JAM2: variants seen among roughly 807,000 people sequenced by gnomAD.
The protein encoded by JAM2 is junctional adhesion molecule B.
In JAM2, 17 loss-of-function variants were observed where a neutral mutation model predicts 42.0. That is an observed-to-expected ratio of 0.40 (90% CI 0.28 to 0.61). JAM2 has a LOEUF of 0.61. Ranked by LOEUF, JAM2 falls within the 20% of genes least tolerant of loss-of-function variation. The pLI, the probability that JAM2 is intolerant of heterozygous loss-of-function variation, is 0.37. For synonymous variants in JAM2, 118 were observed against 128.6 expected (o/e 0.92, Z 0.56); for missense variants, 319 against 358.3 (o/e 0.89, Z 0.89).
chr21:25,698,655 T>A lies in JAM2; in HGVS notation c.395-22T>A, dbSNP rs559900340. On this transcript the variant is annotated intron_variant, in intron 4 of 9. Coordinates refer to ENST00000480456, the MANE Select transcript of JAM2 (RefSeq NM_021219.4). Reference sequence around the variant, plus strand: ...TTGATTAGCTTATAAATAATCAATATCATTTGACTTCCATTGTTCAGTGGC... The same window carrying A: ...TTGATTAGCTTATAAATAATCAATAACATTTGACTTCCATTGTTCAGTGGC... 9 of 1,594,704 alleles carry A rather than the reference T, an allele frequency of 5.6e-6. No individual in the cohort carries two copies. The East Asian group carries it at 1.8e-4, about 32-fold the overall frequency.
intron 7 of JAM2, among the ~76,000 whole-genome samples, chr21:25,709,065 T>C (rs1277441203): frequency 6.6e-6 from 1 of 152,086 alleles, no homozygotes; most frequent in Non-Finnish European, 1.5e-5. Context: ...GAACCCCAAT[T>C]AAGAGAAATG....
chr21:25,693,897 T>C lies in JAM2; in HGVS notation c.383T>C (p.Leu128Pro). Residue 128 changes from leucine to proline, a missense_variant, in exon 4 of 10, where the codon CTG becomes CCG. Transcript: ENST00000480456. The stretch of plus-strand genomic sequence containing the variant: ...AACCTGGAAGAGGATACAGTCACTC[T>C]GGAAGTATTAGGTGATGTGCATGTA... The part of the protein sequence containing the change: ...GQNLEEDTVT[L>P]EVLVAPAVPS... The C allele has an allele frequency of 6.2e-7, 1 of 1,614,176 alleles. No individual in the cohort carries two copies.
At chr21:25,705,398 T>C (rs1406630436) in intron 6 of JAM2, among the ~76,000 whole-genome samples, 1 of 151,810 alleles carries the variant, frequency 6.6e-6, no homozygotes, top group Non-Finnish European at 1.5e-5. Flanking sequence ...ACCCGGATAA[T>C]TTTTTTAATT....
At position 25,689,958 on chromosome 21, in the gene JAM2, C is replaced by A. The variant is rs368465814; in HGVS notation, c.226C>A (p.Gln76Lys). ...LGRSVSFVYY[Q>K]QTLQGDFKNR... is the part of the protein sequence containing the mutation. The stretch of plus-strand genomic sequence containing the variant: ...TCGGAGTGTCTCCTTTGTCTACTAT[C>A]AACAGACTCTTCAAGGTAAGCAGCT... The change falls in exon 3 of 10, where the codon CAA becomes AAA. Residue 76 changes from glutamine (Q) to lysine (K), a missense_variant. Physicochemically the swap from Gln to Lys is moderately conservative, Grantham distance 53. Transcript: ENST00000480456. The A allele has an allele frequency of 6.9e-6, 11 of 1,604,904 alleles. No individual in the cohort carries two copies. Among genetic ancestry groups the A allele is most frequent in the Non-Finnish European group, 8.5e-6 (10 of 1,171,916 alleles).
rs1253272804 is a variant in JAM2 at position 25,693,772 on chromosome 21, A to G, written c.258A>G (p.Arg86=). ...QQTLQGDFKN[R]AEMIDFNIRI... ...TTCTAAAAGGTGATTTTAAAAATCG[A>G]GCTGAGATGATAGATTTCAATATCC... is the stretch of plus-strand genomic sequence containing the variant. The change falls in exon 4 of 10, where the codon CGA becomes CGG. Residue 86 remains arginine, a synonymous_variant. Transcript: ENST00000480456. The G allele has an allele frequency of 1.9e-6, 3 of 1,613,736 alleles. No homozygotes were observed. Among genetic ancestry groups the G allele is most frequent in the Non-Finnish European group, 2.5e-6 (3 of 1,179,738 alleles).
intron 1 of JAM2, among the ~76,000 whole-genome samples, chr21:25,665,692 T>C (rs964050622): frequency 2.0e-5 from 3 of 152,140 alleles, no homozygotes; most frequent in African/African-American, 7.2e-5. Flanking sequence ...AGGCCTTCAA[T>C]TGACCGGATG....
intron 1 of JAM2, among the ~76,000 whole-genome samples, chr21:25,652,123 C>T (rs769187518): frequency 2.6e-5 from 4 of 152,136 alleles, no homozygotes; most frequent in Non-Finnish European, 4.4e-5. Context: ...TGGTGGTTTA[C>T]ACTTGTAATC....
chr21:25,649,971 C>T (rs2032727243), intron 1 of JAM2, among the ~76,000 whole-genome samples: 1 of 152,126 alleles, frequency 6.6e-6, no homozygotes, highest in South Asian at 2.1e-4. Flanking sequence ...CAAGTGATGG[C>T]CTCATTTTTT....
intron 1 of JAM2, among the ~76,000 whole-genome samples, chr21:25,671,660 C>G (rs9981246): frequency 0.67 from 101,470 of 151,900 alleles, 36,396 homozygotes; most frequent in Non-Finnish European, 0.8. Context: ...CGTGCACCAC[C>G]ACACCTGGCT....
chr21:25,708,727 CATCTTT>C (rs1258477694), intron 7 of JAM2, among the ~76,000 whole-genome samples: 1 of 152,100 alleles, frequency 6.6e-6, no homozygotes, highest in Non-Finnish European at 1.5e-5. Context: ...AAACTCTTGT[CATCTTT>C]ATCTATAGCC....
chr21:25,685,281 GCTCATGCCTGTAATCTCAAA>G (rs1568906582), intron 2 of JAM2, among the ~76,000 whole-genome samples: 2 of 151,878 alleles, frequency 1.3e-5, no homozygotes, highest in African/African-American at 4.8e-5. Flanking sequence ...GGGAGTGGTG[GCTCATGCCTGTAATCTCAAA>G]CTCCTGAGGC....
At position 25,683,952 on chromosome 21, in the gene JAM2, C is replaced by T. The variant is rs759733216; in HGVS notation, c.133+4C>T. 8.9e-6 allele frequency: 14 copies of T among 1,575,526 alleles called. No homozygotes were observed. Among genetic ancestry groups the T allele is most frequent in the South Asian group, 1.1e-5 (1 of 88,468 alleles). On this transcript the variant is annotated splice_donor_region_variant and intron_variant, in intron 2 of 9. Transcript: ENST00000480456. ...GTCACAGCAGTAGAGTACCAAGGTACAGTATCTTACTGATTTTCACAGGCT... is the reference window on the plus strand; with the variant it reads ...GTCACAGCAGTAGAGTACCAAGGTATAGTATCTTACTGATTTTCACAGGCT...
intron 9 of JAM2, 186 bp from the exon 10 acceptor site, chr21:25,714,454 C>T (rs1360925160): frequency 2.8e-5 from 14 of 506,272 alleles, no homozygotes; most frequent in Non-Finnish European, 4.0e-5. Flanking sequence ...GCTGAGATCA[C>T]GCCACTGCAG....
intron 1 of JAM2, among the ~76,000 whole-genome samples, chr21:25,650,280 T>C (rs1417365847): frequency 3.3e-5 from 5 of 152,254 alleles, no homozygotes; most frequent in Non-Finnish European, 5.9e-5. Context: ...AGTATTTTTA[T>C]AGGTTGGTGC....
chr21:25,660,782 ATTT>A (rs869192568), intron 1 of JAM2, among the ~76,000 whole-genome samples: 11 of 41,284 alleles, frequency 2.7e-4, no homozygotes, highest in African/African-American at 1.7e-3. Context: ...ATATATATAT[ATTT>A]TTTTTTTTTT....
chr21:25,697,641 C>T (rs1298940017), intron 4 of JAM2, among the ~76,000 whole-genome samples: 2 of 152,136 alleles, frequency 1.3e-5, no homozygotes, highest in African/African-American at 2.4e-5. Context: ...GTGGCTCATG[C>T]CTATAATCCC....
rs372776293 is a variant in JAM2, at chr21:25,683,879, T to C, written c.68-4T>C. ...TAATTATCCTATCTGTTTTAATCTT[T>C]CAGATCATAAGGCCTATGGGTTTTC... On this transcript the variant is annotated splice_polypyrimidine_tract_variant and splice_region_variant and intron_variant, in intron 1 of 9. Coordinates refer to ENST00000480456, the MANE Select transcript of JAM2 (RefSeq NM_021219.4). 1.5e-5 allele frequency: 24 copies of C among 1,593,422 alleles called. No homozygotes were observed. In the African/African-American group the frequency reaches 2.8e-4, roughly 19 times the overall value.
chr21:25,644,292 A>T lies in JAM2; in HGVS notation c.67+4404A>T, dbSNP rs180922668. Reference sequence around the variant, plus strand: ...ACCAAAAACAAAACAATACAAATTGATTGTCTTAAACTTCTAGAGGTCAGA... The same window carrying T: ...ACCAAAAACAAAACAATACAAATTGTTTGTCTTAAACTTCTAGAGGTCAGA... On this transcript the variant is annotated intron_variant, in intron 1 of 9. Coordinates refer to ENST00000480456, the MANE Select transcript of JAM2 (RefSeq NM_021219.4). 4 of 152,356 alleles carry T rather than the reference A, an allele frequency of 2.6e-5. No homozygotes were observed. In the East Asian group the frequency reaches 7.7e-4, roughly 29 times the overall value. The allele number at this position is 152,356 out of a possible 1,614,324, so 9.4% of individuals were successfully genotyped here. A position where few individuals can be genotyped will look rare whatever the true frequency, so the allele number is the denominator to read the frequency against.
Position 25,714,952 on chromosome 21 carries a change from C to T in JAM2, c.*280C>T. ...GGCTTTGGGAAATGTTAACCACGTCCTAACTTCTAGAGAACGTTACTAAAA... is the reference window on the plus strand; with the variant it reads ...GGCTTTGGGAAATGTTAACCACGTCTTAACTTCTAGAGAACGTTACTAAAA... On this transcript the variant is annotated 3_prime_UTR_variant, in exon 10 of 10. Coordinates refer to ENST00000480456, the MANE Select transcript of JAM2 (RefSeq NM_021219.4). The T allele has an allele frequency of 3.5e-6, 1 of 283,290 alleles. No homozygotes were observed. Among genetic ancestry groups the T allele is most frequent in the Non-Finnish European group, 6.5e-6 (1 of 153,948 alleles). The allele number at this position is 283,290 out of a possible 1,614,324, so 17.5% of individuals were successfully genotyped here.
Sources: allele counts gnomAD v4.1 joint callset (sites outside exome capture counted in the v4.1 genomes callset), GRCh38; gene constraint gnomAD v4.1.1; transcripts MANE v1.5; gene names NCBI Gene and HGNC (gene_info 2026-07-23, HGNC 2026-07-21).